Variants in TSPAN9 observed in about 807,000 individuals in gnomAD.
The protein encoded by TSPAN9 is tetraspanin-9.
Under a neutral mutation model 31.0 loss-of-function variants are expected in TSPAN9, and 16 were observed. The ratio of observed to expected loss-of-function variants is 0.52; its 90% confidence interval spans 0.35 to 0.78. The LOEUF (loss-of-function observed/expected upper bound fraction) is 0.78, where lower values mean the gene tolerates loss of function less well. Ranked by LOEUF, TSPAN9 falls within the 30% of genes least tolerant of loss-of-function variation. TSPAN9 has a pLI of 0.01. For synonymous variants in TSPAN9, 145 were observed against 121.6 expected (o/e 1.19, Z -1.27); for missense variants, 272 against 312.5 (o/e 0.87, Z 0.98).
chr12:3,112,177 C>CT (rs138645701), intron 2 of TSPAN9, among the ~76,000 whole-genome samples: 114 of 115,594 alleles, frequency 9.9e-4, no homozygotes, highest in Middle Eastern at 4.5e-3. Flanking sequence ...TGTAATGTTC[C>CT]TTTTTTTTTT....
At chr12:3,226,742 GTGTATATATATATATATATATA>G (rs2098387712) in intron 3 of TSPAN9, among the ~76,000 whole-genome samples, 17 of 3,302 alleles carry the variant, frequency 5.1e-3, no homozygotes, top group South Asian at 0.025. Flanking sequence ...GTGTGTGTGT[GTGTATATATATATATATATATA>G]TATATATATA....
chr12:3,098,604 C>T (rs1334837245), intron 2 of TSPAN9, among the ~76,000 whole-genome samples: 2 of 152,168 alleles, frequency 1.3e-5, no homozygotes, highest in Non-Finnish European at 2.9e-5. Flanking sequence ...CTTAGAGTCA[C>T]TTTGTCCGTA....
At chr12:3,196,128 T>C (rs1031728953) in intron 2 of TSPAN9, among the ~76,000 whole-genome samples, 2 of 152,156 alleles carry the variant, frequency 1.3e-5, no homozygotes, top group East Asian at 1.9e-4. Context: ...CACCAATGGA[T>C]GGTGTGCTCA....
chr12:3,208,760 T>C (rs1183332039), intron 3 of TSPAN9, among the ~76,000 whole-genome samples: 1 of 152,240 alleles, frequency 6.6e-6, no homozygotes, highest in African/African-American at 2.4e-5. Flanking sequence ...GCTTATGAAA[T>C]AGAGGACTTT....
chr12:3,089,850 G>T (rs1213939797), intron 2 of TSPAN9, among the ~76,000 whole-genome samples: 1 of 152,030 alleles, frequency 6.6e-6, no homozygotes, highest in Admixed American at 6.6e-5. Flanking sequence ...AGGCTACAGT[G>T]AGCTGTGATC....
At chr12:3,198,411 T>C (rs1300136890) in intron 2 of TSPAN9, among the ~76,000 whole-genome samples, 44 of 28,286 alleles carry the variant, frequency 1.6e-3, no homozygotes, top group Admixed American at 2.2e-3. Flanking sequence ...CCAGCACAGG[T>C]CACACCAGCA....
At chr12:3,198,706 GGCCACCACCAGCACAGC>G (rs1328370382) in intron 2 of TSPAN9, among the ~76,000 whole-genome samples, 2 of 27,444 alleles carry the variant, frequency 7.3e-5, no homozygotes. Flanking sequence ...CACCAGCACA[GGCCACCACCAGCACAGC>G]TCACCACCAG....
intron 2 of TSPAN9, among the ~76,000 whole-genome samples, chr12:3,177,267 A>T (rs1347625287): frequency 6.6e-6 from 1 of 151,836 alleles, no homozygotes; most frequent in Non-Finnish European, 1.5e-5. Flanking sequence ...CCTCCCAAGT[A>T]GCTGGGACTA....
chr12:3,146,970 T>C (rs937339436), intron 2 of TSPAN9, among the ~76,000 whole-genome samples: 9 of 152,108 alleles, frequency 5.9e-5, no homozygotes, highest in Non-Finnish European at 2.9e-5. Context: ...AGTTTCCTCA[T>C]CGGAAAATGG....
intron 3 of TSPAN9, among the ~76,000 whole-genome samples, chr12:3,251,461 T>C (rs1862242775): frequency 6.6e-6 from 1 of 152,230 alleles, no homozygotes; most frequent in Non-Finnish European, 1.5e-5. Context: ...TTTCAAAAGT[T>C]CTTTTTTCAA....
chr12:3,221,447 C>T (rs1298184784), intron 3 of TSPAN9, among the ~76,000 whole-genome samples: 1 of 151,162 alleles, frequency 6.6e-6, no homozygotes, highest in Non-Finnish European at 1.5e-5. Context: ...CAATCTCTGC[C>T]CCCCAGGTTC....
intron 3 of TSPAN9, among the ~76,000 whole-genome samples, chr12:3,211,451 C>T (rs1344080502): frequency 6.6e-6 from 1 of 152,130 alleles, no homozygotes; most frequent in Non-Finnish European, 1.5e-5. Flanking sequence ...GTTCTTGGCC[C>T]TTTGTTCTTT....
chr12:3,139,262 G>A (rs1189034404), intron 2 of TSPAN9, among the ~76,000 whole-genome samples: 5 of 152,300 alleles, frequency 3.3e-5, no homozygotes, highest in South Asian at 2.1e-4. Context: ...GGTTGTTCTC[G>A]ATCCTTCCGT....
At chr12:3,154,361 C>T (rs79568826) in intron 2 of TSPAN9, among the ~76,000 whole-genome samples, 13 of 152,240 alleles carry the variant, frequency 8.5e-5, no homozygotes, top group Admixed American at 7.2e-4. Context: ...ATAGATTTTG[C>T]GTATGTTGCT....
At chr12:3,128,929 C>A (rs1441795069) in intron 2 of TSPAN9, among the ~76,000 whole-genome samples, 1 of 152,166 alleles carries the variant, frequency 6.6e-6, no homozygotes, top group Admixed American at 6.5e-5. Flanking sequence ...TCCCATTCTC[C>A]CCCTACTTCC....
intron 2 of TSPAN9, among the ~76,000 whole-genome samples, chr12:3,139,379 A>C (rs893404054): frequency 6.6e-6 from 1 of 150,674 alleles, no homozygotes; most frequent in African/African-American, 2.4e-5. Flanking sequence ...TCCTCCCCTC[A>C]CCCTGCCAGT....
At chr12:3,097,701 C>A (rs151170779) in intron 2 of TSPAN9, among the ~76,000 whole-genome samples, 1 of 152,232 alleles carries the variant, frequency 6.6e-6, no homozygotes, top group Non-Finnish European at 1.5e-5. Flanking sequence ...TGGCTCCCCC[C>A]GCAATCCATG....
rs532003620 is a variant in TSPAN9, at chr12:3,187,892, C to T, written c.-17-13285C>T. Among the ~76,000 whole-genome samples, 13 of 152,284 alleles carry T rather than the reference C, an allele frequency of 8.5e-5. No homozygotes were observed. The highest frequency in any genetic ancestry group is 1.6e-4 in the Non-Finnish European group (11 of 68,012). On this transcript the variant is annotated intron_variant, in intron 2 of 8. Transcript: ENST00000011898. The surrounding 1 kb of genome is among the most constrained non-coding windows in gnomAD (Gnocchi z 5.2). ...CAGTCCTTGCATGTACTCAGGGGTA[C>T]TTCTGTCCCACCCTTTCATTTGATT...
chr12:3,117,566 C>T (rs765421669), intron 2 of TSPAN9, among the ~76,000 whole-genome samples: 6 of 152,184 alleles, frequency 3.9e-5, no homozygotes, highest in Non-Finnish European at 5.9e-5. Flanking sequence ...TGGAAACCCA[C>T]CGTGGGCCCA....
Sources: allele counts gnomAD v4.1 joint callset (sites outside exome capture counted in the v4.1 genomes callset), GRCh38; gene constraint gnomAD v4.1.1; non-coding constraint Gnocchi (gnomAD v3.1); transcripts MANE v1.5; gene names NCBI Gene and HGNC (gene_info 2026-07-23, HGNC 2026-07-21).